Variants in UNC5D observed in about 807,000 individuals in gnomAD.
UNC5D encodes the protein unc-5 netrin receptor D, also known as netrin receptor UNC5D.
UNC5D carries 39 observed loss-of-function variants against 105.4 expected under a neutral mutation model. The observed-to-expected ratio is 0.37, with a 90% CI of 0.29 to 0.48. UNC5D has a LOEUF of 0.48. UNC5D is among the 20% of genes least tolerant of loss of function. The pLI is 0.98. For missense variants in UNC5D, 991 were observed against 1,202.4 expected (o/e 0.82, Z 2.60); for synonymous variants, 452 against 450.4 (o/e 1.00, Z -0.04).
chr8:35,327,155 T>C (rs1810228682), intron 1 of UNC5D, among the ~76,000 whole-genome samples: 1 of 152,200 alleles, frequency 6.6e-6, no homozygotes, highest in African/African-American at 2.4e-5. Flanking sequence ...TAAAATTAGA[T>C]GCCCACTGAG....
At chr8:35,619,171 A>C (rs1042489612) in intron 4 of UNC5D, among the ~76,000 whole-genome samples, 1 of 152,218 alleles carries the variant, frequency 6.6e-6, no homozygotes, top group African/African-American at 2.4e-5. Flanking sequence ...TACTCATAAT[A>C]ATAATCATAA....
chr8:35,689,135 G>A (rs564464687), intron 7 of UNC5D, among the ~76,000 whole-genome samples: 1 of 152,318 alleles, frequency 6.6e-6, no homozygotes, highest in African/African-American at 2.4e-5. Flanking sequence ...ACCACAGGTT[G>A]TACTTGCACT....
intron 1 of UNC5D, among the ~76,000 whole-genome samples, chr8:35,371,099 G>A (rs1802403064): frequency 6.6e-6 from 1 of 151,942 alleles, no homozygotes; most frequent in South Asian, 2.1e-4. Flanking sequence ...TTTAGTCGTA[G>A]CTACTTGGGA....
At chr8:35,454,361 T>C (rs946544390) in intron 1 of UNC5D, among the ~76,000 whole-genome samples, 14 of 152,122 alleles carry the variant, frequency 9.2e-5, no homozygotes, top group African/African-American at 2.2e-4. Flanking sequence ...ATATGCCATC[T>C]ACAAAATGTC....
In UNC5D at chr8:35,662,110, A is replaced by G. The variant is rs183938283; in HGVS notation, c.571-21437A>G. On this transcript the variant is annotated intron_variant, in intron 4 of 16. Transcript: ENST00000404895. ...GTGTATCCATTCCAGCATTTTCTCTATGAAATGCCTAGGAAGTAAACTCCT... is the reference window on the plus strand; with the variant it reads ...GTGTATCCATTCCAGCATTTTCTCTGTGAAATGCCTAGGAAGTAAACTCCT... 2.1e-3 allele frequency among the ~76,000 whole-genome samples: 312 copies of G among 151,490 alleles called. 2 individuals carry two copies. Among genetic ancestry groups the G allele is most frequent in the African/African-American group, 7.0e-3 (288 of 41,272 alleles).
intron 1 of UNC5D, among the ~76,000 whole-genome samples, chr8:35,298,461 C>T (rs1447604884): frequency 6.6e-6 from 1 of 152,060 alleles, no homozygotes; most frequent in Non-Finnish European, 1.5e-5. Flanking sequence ...GGGGGATGGG[C>T]AAGGCTCCTT....
intron 7 of UNC5D, among the ~76,000 whole-genome samples, chr8:35,687,054 A>T (rs996385486): frequency 6.6e-6 from 1 of 152,214 alleles, no homozygotes; most frequent in Non-Finnish European, 1.5e-5. Context: ...CTCTGTGGTT[A>T]TATTTCCCCC....
chr8:35,339,216 G>T (rs2128900307), intron 1 of UNC5D, among the ~76,000 whole-genome samples: 1 of 152,264 alleles, frequency 6.6e-6, no homozygotes, highest in East Asian at 1.9e-4. Context: ...AGAGCTAATT[G>T]AGTGGTTAAT....
chr8:35,270,679 T>A (rs368212448), intron 1 of UNC5D, among the ~76,000 whole-genome samples: 3 of 152,340 alleles, frequency 2.0e-5, no homozygotes, highest in African/African-American at 4.8e-5. Context: ...CTGTCAGATC[T>A]TAAATGATAA....
intron 1 of UNC5D, among the ~76,000 whole-genome samples, chr8:35,454,424 C>G (rs1808355000): frequency 1.3e-5 from 2 of 152,142 alleles, no homozygotes; most frequent in Non-Finnish European, 1.5e-5. Context: ...GAGCTGCTCA[C>G]CCCTTCCCAC....
intron 8 of UNC5D, among the ~76,000 whole-genome samples, chr8:35,711,837 A>G (rs984725528): frequency 6.6e-6 from 1 of 152,238 alleles, no homozygotes; most frequent in African/African-American, 2.4e-5. Flanking sequence ...TCTGATAGAC[A>G]TAGTCCCTGC....
intron 1 of UNC5D, among the ~76,000 whole-genome samples, chr8:35,359,844 CCT>C (rs1312827964): frequency 6.6e-6 from 1 of 152,114 alleles, no homozygotes; most frequent in Non-Finnish European, 1.5e-5. Flanking sequence ...ATTTGCCCTG[CCT>C]CCAGATCTTT....
intron 1 of UNC5D, among the ~76,000 whole-genome samples, chr8:35,442,546 A>C (rs1335021916): frequency 6.6e-6 from 1 of 151,884 alleles, no homozygotes; most frequent in Non-Finnish European, 1.5e-5. Flanking sequence ...AGATTCTTTA[A>C]AAAACAAAGC....
At chr8:35,305,943 T>C (rs1808383594) in intron 1 of UNC5D, among the ~76,000 whole-genome samples, 1 of 150,282 alleles carries the variant, frequency 6.7e-6, no homozygotes. Context: ...TCTCTGATGT[T>C]TTTTCTTCTT....
intron 1 of UNC5D, among the ~76,000 whole-genome samples, chr8:35,248,166 A>G (rs181846522): frequency 0.57 from 14,253 of 25,124 alleles, 2,334 homozygotes; most frequent in Middle Eastern, 0.62. Flanking sequence ...ATAAATATAT[A>G]TTATATAATA....
chr8:35,382,339 G>T (rs1803093542), intron 1 of UNC5D, among the ~76,000 whole-genome samples: 1 of 152,184 alleles, frequency 6.6e-6, no homozygotes. Flanking sequence ...TTAGGTGTCT[G>T]TGATGTCCTT....
At chr8:35,236,530 C>A (rs553269669) in intron 1 of UNC5D, among the ~76,000 whole-genome samples, 206 of 136,310 alleles carry the variant, frequency 1.5e-3, no homozygotes, top group African/African-American at 5.4e-3. Flanking sequence ...AGGCTGCTCA[C>A]CAGGCGCCTC....
chr8:35,278,781 A>G (rs1266572007), intron 1 of UNC5D, among the ~76,000 whole-genome samples: 1 of 152,072 alleles, frequency 6.6e-6, no homozygotes, highest in Non-Finnish European at 1.5e-5. Context: ...CCAGTACAGC[A>G]TTATTAACTA....
At chr8:35,609,912 C>T (rs560944707) in intron 4 of UNC5D, among the ~76,000 whole-genome samples, 1 of 152,252 alleles carries the variant, frequency 6.6e-6, no homozygotes, top group East Asian at 1.9e-4. Flanking sequence ...TGAAAGTCAC[C>T]TTGGGGGGCA....
Sources: gnomAD v4.1 joint callset for allele counts (sites outside exome capture counted in the v4.1 genomes callset) on GRCh38, gnomAD v4.1.1 for gene constraint, MANE v1.5 for transcripts, NCBI Gene and HGNC (gene_info 2026-07-23, HGNC 2026-07-21) for gene names.